ST6GALNAC3: variants seen among roughly 807,000 people sequenced by gnomAD.
ST6GALNAC3 encodes ST6 N-acetylgalactosaminide alpha-2,6-sialyltransferase 3.
In ST6GALNAC3, 25 loss-of-function variants were observed where a neutral mutation model predicts 32.7. The ratio of observed to expected loss-of-function variants is 0.76; its 90% CI spans 0.56 to 1.07. ST6GALNAC3 has a LOEUF of 1.07. ST6GALNAC3 is among the 50% of genes least tolerant of loss of function. The pLI is 0.00. For missense variants in ST6GALNAC3, 355 were observed against 382.4 expected (o/e 0.93, Z 0.60); for synonymous variants, 129 against 133.1 (o/e 0.97, Z 0.21).
At chr1:76,342,655 G>A (rs1432776778) in intron 2 of ST6GALNAC3, among the ~76,000 whole-genome samples, 1 of 150,974 alleles carries the variant, frequency 6.6e-6, no homozygotes, top group Admixed American at 6.6e-5. Flanking sequence ...TCTGTAGGTT[G>A]CCTGTTCACA....
chr1:76,153,825 G>A (rs867025271), intron 1 of ST6GALNAC3, among the ~76,000 whole-genome samples: 8 of 152,060 alleles, frequency 5.3e-5, no homozygotes, highest in Admixed American at 1.3e-4. Context: ...TTCCCTTCTC[G>A]TTTTTCTCTG....
chr1:76,169,682 A>C (rs1015528502), intron 1 of ST6GALNAC3, among the ~76,000 whole-genome samples: 1 of 152,170 alleles, frequency 6.6e-6, no homozygotes, highest in African/African-American at 2.4e-5. Flanking sequence ...ATTCTTGTCT[A>C]ACTGTCTTAT....
chr1:76,238,050 G>T (rs1656756156), intron 1 of ST6GALNAC3, among the ~76,000 whole-genome samples: 1 of 152,234 alleles, frequency 6.6e-6, no homozygotes, highest in Admixed American at 6.5e-5. Context: ...GCCTGGTGTG[G>T]ATGGGGGCTG....
chr1:76,236,636 T>G (rs1249130534), intron 1 of ST6GALNAC3, among the ~76,000 whole-genome samples: 2 of 152,160 alleles, frequency 1.3e-5, no homozygotes, highest in African/African-American at 4.8e-5. Flanking sequence ...AAGATTTTGA[T>G]GTACCTGAGG....
intron 2 of ST6GALNAC3, among the ~76,000 whole-genome samples, chr1:76,372,302 G>C (rs749180029): frequency 2.8e-4 from 42 of 151,828 alleles, no homozygotes; most frequent in Non-Finnish European, 5.4e-4. Flanking sequence ...ATTTTTGATT[G>C]AAAAATAATA....
rs1050318720 is a variant in ST6GALNAC3 at position 76,377,774 on chromosome 1, C to T, written c.214-34234C>T. Among the ~76,000 whole-genome samples, 7 of 152,112 alleles carry T rather than the reference C, an allele frequency of 4.6e-5. No individual in the cohort carries two copies. The South Asian group carries it at 6.2e-4, about 14-fold the overall frequency. The stretch of plus-strand genomic sequence containing the variant: ...AGGAAGTTAATAATGGAACCTACCT[C>T]GTAGAATTGTTGTGAAGATTCTCAA... On this transcript the variant is annotated intron_variant, in intron 2 of 4. Coordinates refer to ENST00000328299, the MANE Select transcript of ST6GALNAC3 (RefSeq NM_152996.4).
intron 3 of ST6GALNAC3, among the ~76,000 whole-genome samples, chr1:76,418,130 A>G (rs1211940784): frequency 6.6e-6 from 1 of 152,140 alleles, no homozygotes; most frequent in Non-Finnish European, 1.5e-5. Context: ...CAGTTTTATA[A>G]GCTAGCAAGG....
At chr1:76,423,231 T>G (rs1287111335) in intron 3 of ST6GALNAC3, among the ~76,000 whole-genome samples, 2 of 151,976 alleles carry the variant, frequency 1.3e-5, no homozygotes, top group African/African-American at 4.8e-5. Context: ...GCCTATGTTA[T>G]CTGGGTGAGG....
intron 3 of ST6GALNAC3, among the ~76,000 whole-genome samples, chr1:76,427,602 A>C (rs530213242): frequency 6.6e-6 from 1 of 152,120 alleles, no homozygotes; most frequent in African/African-American, 2.4e-5. Flanking sequence ...GGGGAGGGAC[A>C]CTGGTCCATA....
chr1:76,349,516 C>T (rs927310170), intron 2 of ST6GALNAC3, among the ~76,000 whole-genome samples: 4 of 152,074 alleles, frequency 2.6e-5, no homozygotes, highest in Admixed American at 6.6e-5. Flanking sequence ...CTTAGTCTGG[C>T]TTTTTGAATT....
In ST6GALNAC3 at chr1:76,573,292, G is replaced by A. The variant is rs12084124; in HGVS notation, c.624-54160G>A. Among the ~76,000 whole-genome samples the A allele has an allele frequency of 8.7e-3, 1,321 of 152,156 alleles. 14 individuals are homozygous for A. Among genetic ancestry groups the A allele is most frequent in the African/African-American group, 0.03 (1,240 of 41,522 alleles). ...AGTCACTTGCTGAAATGTCATAAGCGATATAAACCTGCTGACAGGCCAGGA... is the reference window on the plus strand; with the variant it reads ...AGTCACTTGCTGAAATGTCATAAGCAATATAAACCTGCTGACAGGCCAGGA... On this transcript the variant is annotated intron_variant, in intron 3 of 4. Coordinates refer to ENST00000328299, the MANE Select transcript of ST6GALNAC3 (RefSeq NM_152996.4).
Position 76,093,211 on chromosome 1 carries a change from G to A in ST6GALNAC3, c.18+18327G>A, listed in dbSNP as rs114023191. Among the ~76,000 whole-genome samples, 186 of 152,256 alleles carry A rather than the reference G, an allele frequency of 1.2e-3. 1 individual carries two copies. Among genetic ancestry groups the A allele is most frequent in the African/African-American group, 4.1e-3 (170 of 41,542 alleles). On this transcript the variant is annotated intron_variant, in intron 1 of 4. Transcript: ENST00000328299. ...ATGTTTGCTTTGTACAGCTTTAATG[G>A]AAAAAGGAAAGGAAAGAATACATAT...
At chr1:76,584,572 A>G (rs1301160780) in intron 3 of ST6GALNAC3, among the ~76,000 whole-genome samples, 1 of 152,226 alleles carries the variant, frequency 6.6e-6, no homozygotes, top group Admixed American at 6.5e-5. Context: ...TGCATTAGGT[A>G]TCTCTGATTT....
At chr1:76,153,727 T>G (rs2100340786) in intron 1 of ST6GALNAC3, among the ~76,000 whole-genome samples, 1 of 152,316 alleles carries the variant, frequency 6.6e-6, no homozygotes, top group African/African-American at 2.4e-5. Flanking sequence ...TGGCTTTGTT[T>G]GAGTGGCTTA....
intron 2 of ST6GALNAC3, among the ~76,000 whole-genome samples, chr1:76,382,410 A>C (rs1233028378): frequency 6.6e-6 from 1 of 152,232 alleles, no homozygotes; most frequent in African/African-American, 2.4e-5. Context: ...ACAAGAATAC[A>C]GGGGAAATTC....
At chr1:76,437,573 T>A (rs11581788) in intron 3 of ST6GALNAC3, among the ~76,000 whole-genome samples, 1 of 134,946 alleles carries the variant, frequency 7.4e-6, no homozygotes, top group Non-Finnish European at 1.5e-5. Flanking sequence ...TTCTTTCTTT[T>A]TTTTTTCTCT....
Position 76,630,793 on chromosome 1 carries a change from T to A in ST6GALNAC3, c.*1987T>A, listed in dbSNP as rs764575022. On this transcript the variant is annotated 3_prime_UTR_variant, in exon 5 of 5. Transcript: ENST00000328299. ...TTCTTTTGTTGTTCCCTTATGCAAT[T>A]TTTAATTCTATGAATGTTAAGTTTT... 35 of 985,578 alleles carry A rather than the reference T, an allele frequency of 3.6e-5. No individual in the cohort carries two copies. Among genetic ancestry groups the A allele is most frequent in the Middle Eastern group, 5.2e-4 (1 of 1,936 alleles). The allele number at this position is 985,578 out of a possible 1,614,324, so 61.1% of individuals were successfully genotyped here. A position where few individuals can be genotyped will look rare whatever the true frequency, so the allele number is the denominator to read the frequency against.
intron 1 of ST6GALNAC3, among the ~76,000 whole-genome samples, chr1:76,308,732 T>C (rs766726649): frequency 7.2e-5 from 11 of 152,188 alleles, no homozygotes; most frequent in Admixed American, 2.0e-4. Flanking sequence ...TCAAATAAAA[T>C]GAAGTGATTG....
intron 1 of ST6GALNAC3, among the ~76,000 whole-genome samples, chr1:76,286,146 T>A (rs1326279337): frequency 6.6e-6 from 1 of 152,310 alleles, no homozygotes; most frequent in East Asian, 1.9e-4. Context: ...CATCCACTCT[T>A]TATTTTTAGC....
Sources: gnomAD v4.1 joint callset for allele counts (sites outside exome capture counted in the v4.1 genomes callset) on GRCh38, gnomAD v4.1.1 for gene constraint, MANE v1.5 for transcripts, NCBI Gene and HGNC (gene_info 2026-07-23, HGNC 2026-07-21) for gene names.